Variants in PNKD observed in about 807,000 individuals in gnomAD.
The protein encoded by PNKD is PNKD metallo-beta-lactamase domain containing.
Under a neutral mutation model 45.3 loss-of-function variants are expected in PNKD, and 36 were observed. That is an observed-to-expected ratio of 0.80 (90% CI 0.61 to 1.05). PNKD has a LOEUF of 1.05. Among genes scored for constraint, PNKD ranks in the 50% least tolerant of loss-of-function variants. The probability of loss-of-function intolerance (pLI) is 0.00; values close to 1 mark genes in which losing one functional copy is unlikely to be tolerated. For missense variants in PNKD, 511 were observed against 506.6 expected (o/e 1.01, Z -0.08); for synonymous variants, 197 against 210.1 (o/e 0.94, Z 0.54).
At chr2:218,283,228 A>G (rs1437612830) in intron 2 of PNKD, among the ~76,000 whole-genome samples, 1 of 152,242 alleles carries the variant, frequency 6.6e-6, no homozygotes, top group Non-Finnish European at 1.5e-5. Flanking sequence ...CAGGGCCATA[A>G]GCCCCAAATG....
In PNKD at chr2:218,282,057, G is replaced by T. The variant is rs752433040; in HGVS notation, c.236+10508G>T. 3.1e-6 allele frequency: 5 copies of T among 1,599,722 alleles called. No individual in the cohort carries two copies. The Admixed American group carries it at 8.7e-5, about 28-fold the overall frequency. On this transcript the variant is annotated intron_variant, in intron 2 of 9. Coordinates refer to ENST00000273077, the MANE Select transcript of PNKD (RefSeq NM_015488.5). Reference sequence around the variant, plus strand: ...GGATACCCTCCTGGCAGGACAGATGGCTGCCCATAGCCCCCAGGGGGCGGA... The same window carrying T: ...GGATACCCTCCTGGCAGGACAGATGTCTGCCCATAGCCCCCAGGGGGCGGA...
chr2:218,284,772 G>A (rs1692365590), intron 2 of PNKD, among the ~76,000 whole-genome samples: 1 of 152,182 alleles, frequency 6.6e-6, no homozygotes, highest in Admixed American at 6.5e-5. Flanking sequence ...CCTCCACGGG[G>A]TTGCTATAAA....
At chr2:218,275,251 G>C (rs959475135) in intron 2 of PNKD, 1 of 482,814 alleles carries the variant, frequency 2.1e-6, no homozygotes, top group African/African-American at 2.0e-5. Context: ...CCTAGTCCCT[G>C]CCAAGCCCAC....
chr2:218,328,222 G>A (rs998971227), intron 2 of PNKD, among the ~76,000 whole-genome samples: 14 of 152,090 alleles, frequency 9.2e-5, no homozygotes, highest in Non-Finnish European at 1.0e-4. Context: ...TGTTTCTGCC[G>A]GTCGTAATCC....
chr2:218,342,199 G>A, intron 7 of PNKD, 55 bp downstream of exon 7: 3 of 1,476,674 alleles, frequency 2.0e-6, no homozygotes, highest in South Asian at 1.1e-5. Flanking sequence ...ACAGAAGCCA[G>A]GGCAGCCACA....
intron 2 of PNKD, among the ~76,000 whole-genome samples, chr2:218,322,863 T>C (rs1376809684): frequency 6.6e-6 from 1 of 152,204 alleles, no homozygotes; most frequent in African/African-American, 2.4e-5. Flanking sequence ...AATAAATCCA[T>C]GAATGGCAGC....
intron 2 of PNKD, chr2:218,280,391 A>C: frequency 2.5e-6 from 1 of 403,074 alleles, no homozygotes; most frequent in Non-Finnish European, 4.6e-6. Flanking sequence ...CTGGGGGTTC[A>C]CTGGGGGGTC....
At chr2:218,314,478 C>T (rs1380171872) in intron 2 of PNKD, among the ~76,000 whole-genome samples, 15 of 151,958 alleles carry the variant, frequency 9.9e-5, no homozygotes, top group Admixed American at 9.8e-4. Context: ...CCACCTTGGC[C>T]TCCCAAAGTG....
chr2:218,344,910 G>A lies in PNKD; in HGVS notation c.1087G>A (p.Asp363Asn). 6.2e-7 allele frequency: 1 copy of A among 1,614,060 alleles called. No individual in the cohort carries two copies. Among genetic ancestry groups the A allele is most frequent in the East Asian group, 2.2e-5 (1 of 44,874 alleles). ...GGGGCCGGGGCCGGGCCCCACTGGG[G>A]ATGATGACTACTCCCGGGCCCAGCT... ...ALGPGPGPTGDDDYSRAQLLE... is the reference protein window; with the variant it reads ...ALGPGPGPTGNDDYSRAQLLE... Residue 363 changes from aspartate (D) to asparagine (N), a missense_variant, in exon 10 of 10, where the codon GAT becomes AAT. Transcript: ENST00000273077.
At chr2:218,331,109 T>A (rs745549397) in intron 2 of PNKD, among the ~76,000 whole-genome samples, 1 of 152,160 alleles carries the variant, frequency 6.6e-6, no homozygotes, top group East Asian at 1.9e-4. Context: ...GACGGGGGAT[T>A]GAAGACAGAA....
intron 2 of PNKD, among the ~76,000 whole-genome samples, chr2:218,337,960 C>A (rs931236158): frequency 1.3e-5 from 2 of 151,902 alleles, no homozygotes; most frequent in South Asian, 4.2e-4. Flanking sequence ...CATCCTGGCC[C>A]ACATGGTGAA....
intron 2 of PNKD, among the ~76,000 whole-genome samples, chr2:218,301,551 C>T (rs1365036394): frequency 6.6e-6 from 1 of 152,160 alleles, no homozygotes; most frequent in Non-Finnish European, 1.5e-5. Context: ...TTTAGCCAGG[C>T]CCAGGCAGAA....
In PNKD at chr2:218,271,377, A is replaced by G; in HGVS notation, c.68-4A>G. The stretch of plus-strand genomic sequence containing the variant: ...TTACTGACCTTCCTTACCTCCATCC[A>G]CAGGGATTCTCGCAGGAGCCACAGC... On this transcript the variant is annotated splice_polypyrimidine_tract_variant and splice_region_variant and intron_variant, in intron 1 of 9. Coordinates refer to ENST00000273077, the MANE Select transcript of PNKD (RefSeq NM_015488.5). 6.2e-7 allele frequency: 1 copy of G among 1,613,406 alleles called. No homozygotes were observed. The highest frequency in any genetic ancestry group is 8.5e-7 in the Non-Finnish European group (1 of 1,179,656).
At chr2:218,314,302 G>C (rs1281138561) in intron 2 of PNKD, among the ~76,000 whole-genome samples, 1 of 135,838 alleles carries the variant, frequency 7.4e-6, no homozygotes, top group Non-Finnish European at 1.5e-5. Context: ...GTTTACTGCA[G>C]CCTTTACCTC....
intron 2 of PNKD, chr2:218,279,226 C>T: frequency 6.4e-7 from 1 of 1,555,828 alleles, no homozygotes; most frequent in Non-Finnish European, 8.7e-7. Context: ...CCACCCACAC[C>T]CCCAGCAGGT....
chr2:218,285,509 G>A lies in PNKD; in HGVS notation c.236+13960G>A, dbSNP rs561749515. ...CCACAGGGCTCACAGCCTGGCCAACGGCCCCAGGAGAAGAGGGTGGCCCAG... is the reference window on the plus strand; with the variant it reads ...CCACAGGGCTCACAGCCTGGCCAACAGCCCCAGGAGAAGAGGGTGGCCCAG... On this transcript the variant is annotated intron_variant, in intron 2 of 9. Coordinates refer to ENST00000273077, the MANE Select transcript of PNKD (RefSeq NM_015488.5). Among the ~76,000 whole-genome samples, 384 of 152,108 alleles carry A rather than the reference G, an allele frequency of 2.5e-3. 3 individuals are homozygous for A. Among genetic ancestry groups the A allele is most frequent in the Non-Finnish European group, 3.4e-3 (231 of 68,004 alleles).
At position 218,270,567 on chromosome 2, in the gene PNKD, A is replaced by T; in HGVS notation, c.32A>T (p.Lys11Met). 1 of 1,212,722 alleles carries T rather than the reference A, an allele frequency of 8.2e-7. No homozygotes were observed. Among genetic ancestry groups the T allele is most frequent in the Non-Finnish European group, 1.1e-6 (1 of 939,534 alleles). 75.1% of individuals were successfully genotyped at this position (1,212,722 alleles called of 1,614,324 possible). Residue 11 changes from lysine (K) to methionine (M), a missense_variant, in exon 1 of 10, where the codon AAG becomes ATG. By Grantham distance (95) the Lys-to-Met change is moderately conservative. Transcript: ENST00000273077. ...GCGGTGGTAGCTGCTACGGCGCTGAAGGGCCGGGGGGCGAGAAATGCCCGC... is the reference window on the plus strand; with the variant it reads ...GCGGTGGTAGCTGCTACGGCGCTGATGGGCCGGGGGGCGAGAAATGCCCGC... MAAVVAATAL[K>M]GRGARNARVL...
intron 2 of PNKD, among the ~76,000 whole-genome samples, chr2:218,302,278 G>A (rs932178331): frequency 6.6e-6 from 1 of 152,104 alleles, no homozygotes; most frequent in African/African-American, 2.4e-5. Flanking sequence ...AACCCAGGAG[G>A]CAGAGGTTGC....
rs752371418 is a variant in PNKD, at chr2:218,344,462, G to T, written c.876G>T (p.Glu292Asp). ...GDDTLLWPGH[E>D]YAEENLGFAG... is the part of the protein sequence containing the mutation. ...CCTCATGGCTGTCGGTAGGTCATGA[G>T]TATGCAGAGGAGAACCTGGGCTTTG... The change falls in exon 9 of 10, where the codon GAG (glutamate) becomes GAT (aspartate). Residue 292 changes from glutamate to aspartate, a missense_variant. Glu to Asp is a conservative substitution (Grantham distance 45). Coordinates refer to ENST00000273077, the MANE Select transcript of PNKD (RefSeq NM_015488.5). 3 of 1,575,472 alleles carry T rather than the reference G, an allele frequency of 1.9e-6. No individual in the cohort carries two copies. In the African/African-American group the frequency reaches 4.0e-5, roughly 21 times the overall value.
Sources: gnomAD v4.1 joint callset for allele counts (sites outside exome capture counted in the v4.1 genomes callset) on GRCh38, gnomAD v4.1.1 for gene constraint, MANE v1.5 for transcripts, NCBI Gene and HGNC (gene_info 2026-07-23, HGNC 2026-07-21) for gene names.